CRPPA: variants seen among roughly 807,000 people sequenced by gnomAD.
CRPPA encodes CDP-L-ribitol pyrophosphorylase A, also known as D-ribitol-5-phosphate cytidylyltransferase.
CRPPA carries 43 observed loss-of-function variants against 52.0 expected under a neutral mutation model. The ratio of observed to expected loss-of-function variants is 0.83; its 90% CI spans 0.65 to 1.07. The LOEUF is 1.07. CRPPA is among the 50% of genes least tolerant of loss of function. CRPPA has a pLI of 0.00. For missense variants in CRPPA, 629 were observed against 551.7 expected, an observed-to-expected ratio of 1.14 and a Z score of -1.40; for synonymous variants, 250 against 203.5, an observed-to-expected ratio of 1.23 and a Z score of -1.94.
chr7:16,205,805 A>T (rs1781961469), intron 9 of CRPPA, among the ~76,000 whole-genome samples: 1 of 151,954 alleles, frequency 6.6e-6, no homozygotes, highest in African/African-American at 2.4e-5. Flanking sequence ...AAAAAAAAAA[A>T]GATGATCCTC....
intron 9 of CRPPA, among the ~76,000 whole-genome samples, chr7:16,159,999 T>C (rs1050302615): frequency 5.9e-5 from 9 of 152,258 alleles, no homozygotes; most frequent in South Asian, 2.1e-4. Context: ...TCTGTTCATA[T>C]CCTTTGCCCA....
At chr7:16,152,408 G>A (rs555034784) in intron 9 of CRPPA, among the ~76,000 whole-genome samples, 3 of 151,910 alleles carry the variant, frequency 2.0e-5, no homozygotes, top group South Asian at 2.1e-4. Flanking sequence ...TCAAGAAAAC[G>A]GTAACTACCC....
intron 3 of CRPPA, among the ~76,000 whole-genome samples, chr7:16,313,878 T>C (rs956402610): frequency 6.6e-6 from 1 of 152,068 alleles, no homozygotes; most frequent in Non-Finnish European, 1.5e-5. Flanking sequence ...CCTTGTGTTA[T>C]TTCTGTTCTT....
intron 2 of CRPPA, among the ~76,000 whole-genome samples, chr7:16,399,878 A>G (rs1787755014): frequency 6.6e-6 from 1 of 152,018 alleles, no homozygotes; most frequent in Non-Finnish European, 1.5e-5. Flanking sequence ...CTAACACGTG[A>G]CATTGACTCA....
intron 3 of CRPPA, among the ~76,000 whole-genome samples, chr7:16,350,722 C>G (rs1786128539): frequency 6.6e-6 from 1 of 152,044 alleles, no homozygotes; most frequent in Non-Finnish European, 1.5e-5. Flanking sequence ...CAACCAAAAA[C>G]CAATTGACAG....
intron 2 of CRPPA, among the ~76,000 whole-genome samples, chr7:16,397,111 G>A (rs376046600): frequency 3.4e-4 from 52 of 152,346 alleles, no homozygotes; most frequent in African/African-American, 1.0e-3. Flanking sequence ...AATAAGACAC[G>A]TGGACACACA....
At chr7:16,365,467 A>C (rs1301583075) in intron 3 of CRPPA, among the ~76,000 whole-genome samples, 6 of 152,210 alleles carry the variant, frequency 3.9e-5, no homozygotes, top group African/African-American at 1.4e-4. Flanking sequence ...ATAATCTTGA[A>C]AGTAATTAAC....
intron 3 of CRPPA, among the ~76,000 whole-genome samples, chr7:16,357,235 G>C (rs1227909556): frequency 6.6e-6 from 1 of 152,016 alleles, no homozygotes; most frequent in Non-Finnish European, 1.5e-5. Context: ...CTAGAGTGCA[G>C]AGGCACAATC....
At chr7:16,226,563 T>G (rs1278181225) in intron 8 of CRPPA, among the ~76,000 whole-genome samples, 1 of 151,910 alleles carries the variant, frequency 6.6e-6, no homozygotes, top group African/African-American at 2.4e-5. Flanking sequence ...ACTGTTACAT[T>G]TAAATTCAAA....
intron 9 of CRPPA, chr7:16,209,313 C>A (rs1251222140): frequency 2.2e-5 from 3 of 137,798 alleles, no homozygotes; most frequent in African/African-American, 7.9e-5. Flanking sequence ...GCTCTGTTGC[C>A]CAGGCTGGAG....
chr7:16,147,011 C>A (rs1258941666), intron 9 of CRPPA, among the ~76,000 whole-genome samples: 5 of 152,138 alleles, frequency 3.3e-5, no homozygotes, highest in African/African-American at 1.2e-4. Context: ...ACGCTGCCTG[C>A]AAGAAACTCA....
intron 8 of CRPPA, among the ~76,000 whole-genome samples, chr7:16,241,807 C>T (rs905666780): frequency 4.6e-5 from 7 of 152,070 alleles, no homozygotes; most frequent in South Asian, 4.2e-4. Flanking sequence ...ACATATAGTT[C>T]GTTTTTTTCT....
intron 8 of CRPPA, among the ~76,000 whole-genome samples, chr7:16,225,929 A>T (rs898408840): frequency 3.3e-5 from 5 of 151,908 alleles, no homozygotes; most frequent in Non-Finnish European, 7.4e-5. Context: ...TCTTAAAAAA[A>T]CTTTTTAGAA....
At chr7:16,345,745 C>T (rs1328208102) in intron 3 of CRPPA, among the ~76,000 whole-genome samples, 1 of 141,382 alleles carries the variant, frequency 7.1e-6, no homozygotes, top group African/African-American at 2.4e-5. Flanking sequence ...GCTAAAATGT[C>T]ACTCTCAGTC....
chr7:16,244,801 C>T (rs565108057), intron 8 of CRPPA, among the ~76,000 whole-genome samples: 17 of 152,198 alleles, frequency 1.1e-4, no homozygotes, highest in South Asian at 2.1e-4. Flanking sequence ...GAAAAAGAAC[C>T]GTTGTAAACC....
chr7:16,132,771 AAGTT>A (rs1282724711), intron 9 of CRPPA, among the ~76,000 whole-genome samples: 5 of 124,898 alleles, frequency 4.0e-5, no homozygotes, highest in African/African-American at 1.3e-4. Flanking sequence ...AAAAAATAAA[AAGTT>A]AGGTATGTCA....
intron 3 of CRPPA, among the ~76,000 whole-genome samples, chr7:16,333,284 A>G (rs1381124174): frequency 2.0e-5 from 3 of 152,224 alleles, no homozygotes; most frequent in African/African-American, 7.2e-5. Flanking sequence ...ATTGATATCT[A>G]TTGACTACTT....
intron 9 of CRPPA, among the ~76,000 whole-genome samples, chr7:16,165,809 G>A (rs1418378387): frequency 6.6e-6 from 1 of 152,142 alleles, no homozygotes; most frequent in East Asian, 1.9e-4. Context: ...AGCTTATGTT[G>A]GTACAACTGG....
chr7:16,386,438 C>T (rs77985680), intron 2 of CRPPA, among the ~76,000 whole-genome samples: 2,673 of 152,258 alleles, frequency 0.018, 61 homozygotes, highest in African/African-American at 0.049. Context: ...CATTTAGGAC[C>T]ATGAGTTTCT....
Sources: gnomAD v4.1 joint callset for allele counts (sites outside exome capture counted in the v4.1 genomes callset) on GRCh38, gnomAD v4.1.1 for gene constraint, MANE v1.5 for transcripts, NCBI Gene and HGNC (gene_info 2026-07-23, HGNC 2026-07-21) for gene names.